PTPN4: variants seen among roughly 807,000 people sequenced by gnomAD.
The protein encoded by PTPN4 is tyrosine-protein phosphatase non-receptor type 4.
PTPN4 carries 49 observed loss-of-function variants against 135.5 expected under a neutral mutation model. That is an observed-to-expected ratio of 0.36 (90% CI 0.29 to 0.46). The LOEUF is 0.46. PTPN4 is among the 20% of genes least tolerant of loss of function. The pLI is 1.00. For missense variants in PTPN4, 860 were observed against 1,101.0 expected (o/e 0.78, Z 3.10); for synonymous variants, 333 against 369.9 (o/e 0.90, Z 1.14).
chr2:119,880,006 T>C (rs1553458999), intron 5 of PTPN4: 2 of 120,766 alleles, frequency 1.7e-5, no homozygotes, highest in Non-Finnish European at 3.2e-5. Flanking sequence ...AAAATATTCC[T>C]TTAATTTTGA....
At chr2:119,869,578 C>G (rs1677879869) in intron 3 of PTPN4, among the ~76,000 whole-genome samples, 1 of 152,186 alleles carries the variant, frequency 6.6e-6, no homozygotes, top group South Asian at 2.1e-4. Context: ...TCCCCCACCC[C>G]CATTCCTAAA....
intron 2 of PTPN4, among the ~76,000 whole-genome samples, chr2:119,833,163 T>A (rs1221791449): frequency 1.3e-5 from 2 of 152,166 alleles, no homozygotes; most frequent in Non-Finnish European, 2.9e-5. Flanking sequence ...TTAATCTTTT[T>A]AATCCATCTT....
intron 12 of PTPN4, among the ~76,000 whole-genome samples, chr2:119,922,878 G>A (rs1386547615): frequency 1.3e-5 from 2 of 152,156 alleles, no homozygotes; most frequent in Non-Finnish European, 2.9e-5. Context: ...TTCTTCCTGA[G>A]CAAGATATGG....
At chr2:119,877,695 T>C (rs1678005549) in intron 5 of PTPN4, among the ~76,000 whole-genome samples, 153 bp downstream of exon 5, 1 of 152,230 alleles carries the variant, frequency 6.6e-6, no homozygotes, top group Non-Finnish European at 1.5e-5. Context: ...GATAACGTTT[T>C]CCTCCTTTTT....
At chr2:119,859,926 G>T (rs1472390527) in intron 2 of PTPN4, among the ~76,000 whole-genome samples, 2 of 152,086 alleles carry the variant, frequency 1.3e-5, no homozygotes, top group Admixed American at 6.5e-5. Context: ...CCCTTATCTG[G>T]TCCTTTTCCT....
At chr2:119,817,850 G>A (rs941140649) in intron 2 of PTPN4, among the ~76,000 whole-genome samples, 4 of 152,084 alleles carry the variant, frequency 2.6e-5, no homozygotes, top group African/African-American at 4.8e-5. Flanking sequence ...TTGAGCCGTC[G>A]TTTGTAGTTT....
At chr2:119,819,165 T>A (rs1375610156) in intron 2 of PTPN4, among the ~76,000 whole-genome samples, 2 of 152,194 alleles carry the variant, frequency 1.3e-5, no homozygotes, top group African/African-American at 4.8e-5. Flanking sequence ...GGGCTTTGTT[T>A]CTCCACAGTA....
At chr2:119,810,401 ATATT>A (rs1257524449) in intron 2 of PTPN4, among the ~76,000 whole-genome samples, 1 of 152,208 alleles carries the variant, frequency 6.6e-6, no homozygotes, top group African/African-American at 2.4e-5. Context: ...ATCGTCTGAA[ATATT>A]TATTTAACAA....
chr2:119,759,934 C>G lies in PTPN4; in HGVS notation c.-468C>G, dbSNP rs1405024556. 5.6e-6 allele frequency: 2 copies of G among 359,064 alleles called. No individual in the cohort carries two copies. Among genetic ancestry groups the G allele is most frequent in the Admixed American group, 9.4e-5 (2 of 21,300 alleles). 22.2% of individuals were successfully genotyped at this position (359,064 alleles called of 1,614,324 possible). A position where few individuals can be genotyped will look rare whatever the true frequency, so the allele number is the denominator to read the frequency against. ...ACAAACGCTGCCCAGGATTACCCGCCAGCTCACGCCGCGCAGTGCGCTTTT... is the reference window on the plus strand; with the variant it reads ...ACAAACGCTGCCCAGGATTACCCGCGAGCTCACGCCGCGCAGTGCGCTTTT... On this transcript the variant is annotated 5_prime_UTR_variant, in exon 1 of 27. Coordinates refer to ENST00000263708, the MANE Select transcript of PTPN4 (RefSeq NM_002830.4).
At chr2:119,909,889 C>A (rs768164533) in intron 10 of PTPN4, among the ~76,000 whole-genome samples, 4 of 151,976 alleles carry the variant, frequency 2.6e-5, no homozygotes, top group Non-Finnish European at 5.9e-5. Flanking sequence ...AAAGTGGAGT[C>A]TGAAGATGGG....
At chr2:119,771,850 T>C (rs1574324918) in intron 1 of PTPN4, among the ~76,000 whole-genome samples, 1 of 152,346 alleles carries the variant, frequency 6.6e-6, no homozygotes, top group African/African-American at 2.4e-5. Flanking sequence ...TGGACTCTTG[T>C]AGTAGTCTTT....
chr2:119,793,846 G>GTTTTTT lies in PTPN4; in HGVS notation c.-17-15967_-17-15962dup, dbSNP rs55956611. ...AGTTTGTTTATTTGTTTCATTTTTA[G>GTTTTTT]TTTTTTTTTTTTTTTTTTTTTTTTT... On this transcript the variant is annotated intron_variant, in intron 1 of 26. Coordinates refer to ENST00000263708, the MANE Select transcript of PTPN4 (RefSeq NM_002830.4). Among the ~76,000 whole-genome samples the GTTTTTT allele has an allele frequency of 1.2e-3, 30 of 24,800 alleles. 3 individuals carry two copies. The highest frequency in any genetic ancestry group is 3.9e-3 in the African/African-American group (21 of 5,410). 16.3% of individuals were successfully genotyped at this position (24,800 alleles called of 152,430 possible).
At chr2:119,911,657 AGAAAAAG>A (rs1014964109) in intron 10 of PTPN4, among the ~76,000 whole-genome samples, 9 of 152,146 alleles carry the variant, frequency 5.9e-5, no homozygotes, top group African/African-American at 2.2e-4. Flanking sequence ...TTTTAAAAAA[AGAAAAAG>A]GAAAAAGGAA....
At chr2:119,931,571 G>A (rs1678908293) in intron 13 of PTPN4, among the ~76,000 whole-genome samples, 1 of 149,692 alleles carries the variant, frequency 6.7e-6, no homozygotes, top group South Asian at 2.1e-4. Context: ...AGCCTCCCAA[G>A]TAGCTTGGAC....
chr2:119,804,447 A>G (rs1220723824), intron 1 of PTPN4, among the ~76,000 whole-genome samples: 1 of 152,082 alleles, frequency 6.6e-6, no homozygotes, highest in African/African-American at 2.4e-5. Context: ...ACCCAACGAC[A>G]GGCCCCCGTG....
intron 3 of PTPN4, among the ~76,000 whole-genome samples, chr2:119,875,872 A>C (rs1227800145): frequency 6.6e-6 from 1 of 152,196 alleles, no homozygotes; most frequent in African/African-American, 2.4e-5. Flanking sequence ...CAAAAGGTGA[A>C]ACAAACTTAA....
At chr2:119,962,244 C>T (rs1186755980) in intron 23 of PTPN4, among the ~76,000 whole-genome samples, 1 of 152,118 alleles carries the variant, frequency 6.6e-6, no homozygotes, top group African/African-American at 2.4e-5. Context: ...CACCTGAGGT[C>T]AGGAGTTCGA....
chr2:119,952,206 T>A (rs936101725), intron 19 of PTPN4, 77 bp downstream of exon 19: 1 of 1,361,236 alleles, frequency 7.3e-7, no homozygotes, highest in African/African-American at 1.5e-5. Context: ...GCCAGATTTC[T>A]GACATAAAAC....
In PTPN4 at chr2:119,843,380, T is replaced by C. The variant is rs577219909; in HGVS notation, c.139-19156T>C. On this transcript the variant is annotated intron_variant, in intron 2 of 26. Transcript: ENST00000263708. ...GCAGAACAAAATGAAAAGTCTCCCA[T>C]GTCTACTTCTTTCTACACAGACACG... 4.2e-5 allele frequency among the ~76,000 whole-genome samples: 6 copies of C among 144,562 alleles called. No homozygotes were observed. The South Asian group carries it at 1.4e-3, about 34-fold the overall frequency. 94.8% of individuals were successfully genotyped at this position (144,562 alleles called of 152,430 possible).
Sources: gnomAD v4.1 joint callset for allele counts (sites outside exome capture counted in the v4.1 genomes callset) on GRCh38, gnomAD v4.1.1 for gene constraint, MANE v1.5 for transcripts, NCBI Gene and HGNC (gene_info 2026-07-23, HGNC 2026-07-21) for gene names.